Variants in MTA1 observed in about 807,000 individuals in gnomAD.
MTA1 encodes metastasis-associated protein MTA1.
In MTA1, 15 loss-of-function variants were observed where a neutral mutation model predicts 97.0. The observed-to-expected ratio is 0.15, with a 90% CI of 0.10 to 0.24. The LOEUF (loss-of-function observed/expected upper bound fraction) is 0.24. MTA1 is among the 10% of genes least tolerant of loss of function. MTA1 has a pLI of 1.00. For missense variants in MTA1, 709 were observed against 1,015.1 expected, an observed-to-expected ratio of 0.70 and a Z score of 4.10; for synonymous variants, 435 against 417.5, an observed-to-expected ratio of 1.04 and a Z score of -0.51.
intron 6 of MTA1, among the ~76,000 whole-genome samples, chr14:105,450,789 G>A (rs967233922): frequency 6.6e-6 from 1 of 152,206 alleles, no homozygotes; most frequent in African/African-American, 2.4e-5. Flanking sequence ...TTAACCTGCC[G>A]TATAGCATCC....
At chr14:105,464,927 T>G in intron 15 of MTA1, 64 bp downstream of exon 15, 1 of 1,492,926 alleles carries the variant, frequency 6.7e-7, no homozygotes, top group Non-Finnish European at 8.9e-7. Flanking sequence ...GCAGCAACCT[T>G]GGGGCCCAGC....
At chr14:105,465,236 T>A in intron 16 of MTA1, 53 bp downstream of exon 16, 1 of 1,430,726 alleles carries the variant, frequency 7.0e-7, no homozygotes, top group Non-Finnish European at 9.3e-7. Flanking sequence ...AGGCAGCTTC[T>A]CACCCAAGCT....
Position 105,469,835 on chromosome 14 carries a change from C to G in MTA1, c.1846-6C>G. The G allele has an allele frequency of 6.2e-7, 1 of 1,601,586 alleles. No homozygotes were observed. The highest frequency in any genetic ancestry group is 1.1e-5 in the South Asian group (1 of 89,354). On this transcript the variant is annotated splice_region_variant and splice_polypyrimidine_tract_variant and intron_variant, in intron 19 of 20. Coordinates refer to ENST00000331320, the MANE Select transcript of MTA1 (RefSeq NM_004689.4). Reference sequence around the variant, plus strand: ...TGGCTGCCCAGGAAGTGCACCCCCTCTGCAGGGACCAAGCCGGAACCTCCT... The same window carrying G: ...TGGCTGCCCAGGAAGTGCACCCCCTGTGCAGGGACCAAGCCGGAACCTCCT...
At position 105,420,927 on chromosome 14, in the gene MTA1, G is replaced by T. The variant is rs185990976; in HGVS notation, c.28+864G>T. 8.3e-4 allele frequency among the ~76,000 whole-genome samples: 126 copies of T among 152,272 alleles called. No individual in the cohort carries two copies. Among genetic ancestry groups the T allele is most frequent in the African/African-American group, 3.0e-3 (124 of 41,558 alleles). ...CCCTCCCTGCCTGTGACCCTCTCGG[G>T]CAGGTGCTCATTACCTTTCCCACCT... is the stretch of plus-strand genomic sequence containing the variant. On this transcript the variant is annotated intron_variant, in intron 1 of 20. Coordinates refer to ENST00000331320, the MANE Select transcript of MTA1 (RefSeq NM_004689.4). This position sits in a 1 kb window ranked among gnomAD's most constrained non-coding sequence, Gnocchi z 5.3.
intron 10 of MTA1, among the ~76,000 whole-genome samples, chr14:105,462,498 G>A (rs587621295): frequency 1.3e-5 from 2 of 152,088 alleles, no homozygotes; most frequent in East Asian, 3.9e-4. Context: ...GAACCCCCGG[G>A]GGTGGAAGTT....
intron 1 of MTA1, among the ~76,000 whole-genome samples, chr14:105,426,067 C>T (rs993636910): frequency 6.6e-6 from 1 of 152,052 alleles, no homozygotes; most frequent in Non-Finnish European, 1.5e-5. Context: ...CTGAGGAGCT[C>T]GAGTGCCCGC....
chr14:105,455,610 G>A (rs1268123537), intron 7 of MTA1, among the ~76,000 whole-genome samples: 3 of 152,236 alleles, frequency 2.0e-5, no homozygotes, highest in Admixed American at 2.0e-4. Context: ...TGAAGTCCTA[G>A]GCCCCAGCGA....
At chr14:105,465,052 C>A in intron 15 of MTA1, 42 bp from the exon 16 acceptor site, 1 of 1,475,762 alleles carries the variant, frequency 6.8e-7, no homozygotes, top group South Asian at 1.3e-5. Flanking sequence ...CCCGTGCTCC[C>A]CTGGGGGTGC....
intron 15 of MTA1, 49 bp downstream of exon 15, chr14:105,464,912 A>G (rs2083505459): frequency 6.6e-7 from 1 of 1,511,348 alleles, no homozygotes; most frequent in Non-Finnish European, 8.8e-7. Context: ...GGTGGTGGGG[A>G]GAGAGCAGCA....
chr14:105,421,199 G>A (rs960638952), intron 1 of MTA1, among the ~76,000 whole-genome samples: 1 of 152,242 alleles, frequency 6.6e-6, no homozygotes, highest in Middle Eastern at 3.4e-3. Context: ...TCAGAGGGGC[G>A]GTGGGCCTGT....
chr14:105,434,339 A>G (rs1349959244), intron 1 of MTA1, among the ~76,000 whole-genome samples: 1 of 152,166 alleles, frequency 6.6e-6, no homozygotes, highest in Non-Finnish European at 1.5e-5. Flanking sequence ...ACTTTTCAGC[A>G]TGTAGATCTT....
rs782526902 is a variant in MTA1 at position 105,464,082 on chromosome 14, T to C, written c.1127T>C (p.Val376Ala). 3 of 1,612,286 alleles carry C rather than the reference T, an allele frequency of 1.9e-6. No individual in the cohort carries two copies. In the South Asian group the frequency reaches 3.3e-5, roughly 18 times the overall value. The part of the protein sequence containing the change: ...QISVNNVKAG[V>A]VNGTGAPGQS... Reference sequence around the variant, plus strand: ...AGCGTCAACAACGTCAAGGCCGGTGTGGTGAACGGCACGGGGGCGCCGGGC... The same window carrying C: ...AGCGTCAACAACGTCAAGGCCGGTGCGGTGAACGGCACGGGGGCGCCGGGC... The change falls in exon 13 of 21, where the codon GTG becomes GCG. Residue 376 changes from valine to alanine, a missense_variant. By Grantham distance (64) the Val-to-Ala change is moderately conservative (BLOSUM62 0). Transcript: ENST00000331320.
intron 16 of MTA1, 135 bp from the exon 17 acceptor site, chr14:105,466,291 T>A: frequency 6.6e-6 from 5 of 752,434 alleles, no homozygotes; most frequent in Non-Finnish European, 1.1e-5. Flanking sequence ...CCAGTCAGGA[T>A]GGGGCCTCGG....
intron 1 of MTA1, among the ~76,000 whole-genome samples, chr14:105,421,523 G>A (rs1289364842): frequency 6.6e-6 from 1 of 152,196 alleles, no homozygotes; most frequent in Non-Finnish European, 1.5e-5. Flanking sequence ...GGGGTGGGGA[G>A]TGGTGGCAGC....
intron 18 of MTA1, chr14:105,469,124 A>G: frequency 1.9e-6 from 1 of 532,086 alleles, no homozygotes. Flanking sequence ...TGCTGGACTG[A>G]CAGCCTTGCG....
intron 1 of MTA1, among the ~76,000 whole-genome samples, chr14:105,438,248 C>T (rs1434146497): frequency 2.6e-5 from 4 of 152,166 alleles, no homozygotes; most frequent in Non-Finnish European, 4.4e-5. Flanking sequence ...GTGTAGCATC[C>T]AGGCTGGCTG....
In MTA1 at chr14:105,455,991, C is replaced by T. The variant is rs186792226; in HGVS notation, c.550+1681C>T. ...CCTGTGGGTCTGAGTGTGGAGAGGC[C>T]GCTGTGCTGAGGCCTGTGGGTCTGA... On this transcript the variant is annotated intron_variant, in intron 7 of 20. Transcript: ENST00000331320. Among the ~76,000 whole-genome samples the T allele has an allele frequency of 9.8e-4, 148 of 151,532 alleles. 1 individual carries two copies. In the East Asian group the frequency reaches 0.024, roughly 25 times the overall value.
intron 18 of MTA1, 56 bp downstream of exon 18, chr14:105,466,798 C>T (rs1024591075): frequency 6.6e-7 from 1 of 1,519,890 alleles, no homozygotes; most frequent in South Asian, 1.2e-5. Context: ...GATGCCTGTG[C>T]TGTGCTGCTC....
chr14:105,463,390 T>C lies in MTA1; in HGVS notation c.1018-103T>C. 1 of 1,504,286 alleles carries C rather than the reference T, an allele frequency of 6.6e-7. No homozygotes were observed. Among genetic ancestry groups the C allele is most frequent in the Non-Finnish European group, 9.2e-7 (1 of 1,084,082 alleles). The allele number at this position is 1,504,286 out of a possible 1,614,324, so 93.2% of individuals were successfully genotyped here. ...GACTCCTGAGTCCCTGGCCCGGCTGTCCTCTCCGTGGTGCTCTCCTCTCCG... is the reference window on the plus strand; with the variant it reads ...GACTCCTGAGTCCCTGGCCCGGCTGCCCTCTCCGTGGTGCTCTCCTCTCCG... On this transcript the variant is annotated intron_variant, in intron 11 of 20. Coordinates refer to ENST00000331320, the MANE Select transcript of MTA1 (RefSeq NM_004689.4). This position sits in a 1 kb window ranked among gnomAD's most constrained non-coding sequence, Gnocchi z 5.9.
Sources: allele counts gnomAD v4.1 joint callset (sites outside exome capture counted in the v4.1 genomes callset), GRCh38; gene constraint gnomAD v4.1.1; non-coding constraint Gnocchi (gnomAD v3.1); transcripts MANE v1.5; gene names NCBI Gene and HGNC (gene_info 2026-07-23, HGNC 2026-07-21).